The following AMY2B variants were observed in gnomAD, a reference collection of about 807,000 sequenced individuals.
AMY2B encodes alpha-amylase 2B.
Under a neutral mutation model 59.3 loss-of-function variants are expected in AMY2B, and 63 were observed. That is an observed-to-expected ratio of 1.06 (90% CI 0.87 to 1.31). The LOEUF is 1.31. Among genes scored for constraint, AMY2B ranks in the 50% most tolerant of loss-of-function variants. The pLI is 0.00. For missense variants in AMY2B, 635 were observed against 626.7 expected, an observed-to-expected ratio of 1.01 and a Z score of -0.14; for synonymous variants, 180 against 198.1, an observed-to-expected ratio of 0.91 and a Z score of 0.77.
chr1:103,578,040 C>G (rs1424388298), intron 9 of AMY2B, among the ~76,000 whole-genome samples, 195 bp downstream of exon 9: 1 of 152,132 alleles, frequency 6.6e-6, no homozygotes, highest in African/African-American at 2.4e-5. Context: ...TTATTAAGGG[C>G]TTTCTGTTGT....
chr1:103,570,983 T>C, upstream of AMY2B: 1 of 358,738 alleles, frequency 2.8e-6, no homozygotes, highest in South Asian at 2.5e-5. Flanking sequence ...TCTGGCTTGG[T>C]GAGTCTGCAT....
exon 1 of AMY2B, chr1:103,555,016 G>A (rs1375875565): frequency 6.6e-6 from 1 of 151,762 alleles, no homozygotes; most frequent in Non-Finnish European, 1.5e-5. Context: ...TTTTTAATGG[G>A]CTTTTATGAT....
At position 103,571,682 on chromosome 1, in the gene AMY2B, C is replaced by G. The variant is rs770989143; in HGVS notation, c.80C>G (p.Ser27Cys). ...YSPNTQQGRTSIVHLFEWRWV... is the reference protein window; with the variant it reads ...YSPNTQQGRTCIVHLFEWRWV... ...CCAAATACACAACAAGGACGGACAT[C>G]TATTGTTCATCTGTTTGAATGGCGA... is the stretch of plus-strand genomic sequence containing the variant. The change falls in exon 1 of 10, where the codon TCT (serine) becomes TGT (cysteine). Residue 27 changes from serine (S) to cysteine (C), a missense_variant. By Grantham distance (112) the Ser-to-Cys change is moderately radical. Coordinates refer to ENST00000684275, the MANE Select transcript of AMY2B (RefSeq NM_001387437.1). The G allele has an allele frequency of 6.2e-7, 1 of 1,611,882 alleles. No individual in the cohort carries two copies. The highest frequency in any genetic ancestry group is 1.1e-5 in the South Asian group (1 of 90,988).
upstream of AMY2B, chr1:103,571,315 T>G: frequency 1.1e-6 from 1 of 870,028 alleles, no homozygotes; most frequent in East Asian, 3.6e-5. Flanking sequence ...GGTTTTCTAC[T>G]GTTACGTGAG....
intron 1 of AMY2B, among the ~76,000 whole-genome samples, chr1:103,562,672 C>CTTTTGTTTTTTTTTTTT (rs1651770408): frequency 8.9e-6 from 1 of 112,088 alleles, no homozygotes; most frequent in Non-Finnish European, 1.9e-5. Flanking sequence ...GATAACTTGT[C>CTTTTGTTTTTTTTTTTT]TTTTTTTTTT....
chr1:103,577,728 T>C lies in AMY2B; in HGVS notation c.1229T>C (p.Val410Ala). Residue 410 changes from valine to alanine, a missense_variant, in exon 9 of 10, where the codon GTT (valine) becomes GCT (alanine). Transcript: ENST00000684275. Reference protein sequence around the residue: ...EHRWRQIRNMVNFRNVVDGQP... With the variant: ...EHRWRQIRNMANFRNVVDGQP... Reference sequence around the variant, plus strand: ...TGGTATTGTGTTTTTAGGAACATGGTTAATTTCCGCAATGTAGTGGATGGC... The same window carrying C: ...TGGTATTGTGTTTTTAGGAACATGGCTAATTTCCGCAATGTAGTGGATGGC... 6.2e-7 allele frequency: 1 copy of C among 1,611,530 alleles called. No individual in the cohort carries two copies. Among genetic ancestry groups the C allele is most frequent in the South Asian group, 1.1e-5 (1 of 90,980 alleles).
intron 9 of AMY2B, among the ~76,000 whole-genome samples, chr1:103,578,711 T>C (rs1322542545): frequency 6.6e-6 from 1 of 152,210 alleles, no homozygotes; most frequent in Non-Finnish European, 1.5e-5. Flanking sequence ...GAAAGCTTTA[T>C]ATTTCAAACT....
chr1:103,570,784 G>A, upstream of AMY2B: 1 of 470,300 alleles, frequency 2.1e-6, no homozygotes, highest in South Asian at 1.6e-5. Context: ...ACTGGAATAA[G>A]CCTTAGAAAA....
Position 103,556,991 on chromosome 1 carries a change from C to T in AMY2B, c.-207+1882C>T, listed in dbSNP as rs537366358. ...AGATATGTGAGCTAACCCCCTGTGTCAGACACCTAAGAGATACAACTGATG... is the reference window on the plus strand; with the variant it reads ...AGATATGTGAGCTAACCCCCTGTGTTAGACACCTAAGAGATACAACTGATG... On this transcript the variant is annotated intron_variant, in intron 1 of 11. Transcript: ENST00000361355. Among the ~76,000 whole-genome samples the T allele has an allele frequency of 6.6e-5, 10 of 152,052 alleles. 1 individual carries two copies. The highest frequency in any genetic ancestry group is 2.1e-4 in the South Asian group (1 of 4,812).
upstream of AMY2B, chr1:103,569,732 A>G (rs1652046159): frequency 2.5e-6 from 1 of 407,318 alleles, no homozygotes; most frequent in Non-Finnish European, 5.0e-6. Flanking sequence ...GCTGAGAGCA[A>G]GCACAGTATC....
At chr1:103,567,755 A>C (rs1195909783), upstream of AMY2B, among the ~76,000 whole-genome samples, 1 of 152,172 alleles carries the variant, frequency 6.6e-6, no homozygotes, top group Non-Finnish European at 1.5e-5. Flanking sequence ...AAGGTTCTAC[A>C]TGATCTGGCC....
intron 2 of AMY2B, among the ~76,000 whole-genome samples, chr1:103,572,838 C>T (rs1410065430): frequency 6.6e-6 from 1 of 152,114 alleles, no homozygotes; most frequent in East Asian, 1.9e-4. Flanking sequence ...TTCTGGTTCT[C>T]TCAATTTACC....
chr1:103,577,355 T>C, intron 7 of AMY2B, 135 bp from the exon 8 acceptor site: 2 of 1,496,068 alleles, frequency 1.3e-6, no homozygotes, highest in South Asian at 1.3e-5. Flanking sequence ...ATAAAAATTA[T>C]TGAAGGCATT....
At chr1:103,572,324 T>A in intron 2 of AMY2B, 68 bp downstream of exon 2, 1 of 1,565,286 alleles carries the variant, frequency 6.4e-7, no homozygotes, top group South Asian at 1.2e-5. Flanking sequence ...TCTTTCTTGC[T>A]CCTTTTCAGC....
In AMY2B at chr1:103,577,749, A is replaced by G; in HGVS notation, c.1250A>G (p.Asp417Gly). 6.2e-7 allele frequency: 1 copy of G among 1,610,664 alleles called. No homozygotes were observed. Among genetic ancestry groups the G allele is most frequent in the Non-Finnish European group, 8.5e-7 (1 of 1,179,784 alleles). The change falls in exon 9 of 10, where the codon GAT becomes GGT. Residue 417 changes from aspartate (D) to glycine (G), a missense_variant. Asp to Gly is a moderately conservative substitution (Grantham distance 94, BLOSUM62 -1). Coordinates refer to ENST00000684275, the MANE Select transcript of AMY2B (RefSeq NM_001387437.1). ...RNMVNFRNVV[D>G]GQPFTNWYDN... is the part of the protein sequence containing the mutation. The stretch of plus-strand genomic sequence containing the variant: ...ATGGTTAATTTCCGCAATGTAGTGG[A>G]TGGCCAGCCTTTTACAAACTGGTAT...
At position 103,573,781 on chromosome 1, in the gene AMY2B, A is replaced by T. The variant is rs1652233618; in HGVS notation, c.587A>T (p.Glu196Val). ...GATTATGTGCGTTCCAAGATTGCCG[A>T]ATATATGAATCATCTCATTGACATT... ...EKDYVRSKIA[E>V]YMNHLIDIGV... The change falls in exon 4 of 10, where the codon GAA (glutamate) becomes GTA (valine). Residue 196 changes from glutamate (E) to valine (V), a missense_variant. Glu to Val is a moderately radical substitution (Grantham distance 121, BLOSUM62 -2). Coordinates refer to ENST00000684275, the MANE Select transcript of AMY2B (RefSeq NM_001387437.1). 2.5e-6 allele frequency: 4 copies of T among 1,613,720 alleles called. No homozygotes were observed. Among genetic ancestry groups the T allele is most frequent in the Non-Finnish European group, 2.5e-6 (3 of 1,179,772 alleles).
At chr1:103,569,695 C>A, upstream of AMY2B, 1 of 398,386 alleles carries the variant, frequency 2.5e-6, no homozygotes, top group South Asian at 2.1e-5. Flanking sequence ...GGGCATGGGC[C>A]AGAGGGACTC....
intron 9 of AMY2B, 120 bp from the exon 10 acceptor site, chr1:103,579,191 C>A (rs1481822512): frequency 1.3e-6 from 2 of 1,567,934 alleles, no homozygotes; most frequent in African/African-American, 2.7e-5. Flanking sequence ...TATGGGTTTT[C>A]TTCTTAATGA....
chr1:103,557,667 CA>C (rs1651603472), intron 1 of AMY2B, among the ~76,000 whole-genome samples: 1 of 151,292 alleles, frequency 6.6e-6, no homozygotes, highest in Non-Finnish European at 1.5e-5. Flanking sequence ...AAGTATTTTA[CA>C]TAAGAAATTT....
Sources: gnomAD v4.1 joint callset for allele counts (sites outside exome capture counted in the v4.1 genomes callset) on GRCh38, gnomAD v4.1.1 for gene constraint, MANE v1.5 for transcripts, NCBI Gene and HGNC (gene_info 2026-07-23, HGNC 2026-07-21) for gene names.